The following TUNAR variants were observed in gnomAD, a reference collection of about 807,000 sequenced individuals.
TUNAR encodes the protein transmembrane neural differentiation associated intracellular calcium regulator.
chr14:95,918,622 C>G (rs1889643774), intron 2 of TUNAR, among the ~76,000 whole-genome samples: 1 of 152,180 alleles, frequency 6.6e-6, no homozygotes, highest in Non-Finnish European at 1.5e-5. Flanking sequence ...AAGGTCTCTT[C>G]TAGGTCTTTG....
At chr14:95,907,146 C>T (rs765218851) in intron 2 of TUNAR, among the ~76,000 whole-genome samples, 56 of 152,100 alleles carry the variant, frequency 3.7e-4, no homozygotes, top group Non-Finnish European at 6.9e-4. Flanking sequence ...TCCTTTTTGC[C>T]ACCACATCGT....
At chr14:95,917,943 T>C (rs775069098) in intron 2 of TUNAR, among the ~76,000 whole-genome samples, 6 of 152,176 alleles carry the variant, frequency 3.9e-5, no homozygotes, top group Non-Finnish European at 8.8e-5. Context: ...GAAATGCCTT[T>C]ACTGTTATCA....
exon 2 of TUNAR, chr14:95,876,973 C>A (rs1745401412): frequency 6.6e-6 from 1 of 152,332 alleles, no homozygotes; most frequent in Admixed American, 6.5e-5. Flanking sequence ...GCAGCGCGCA[C>A]GGGGTCCCGC....
At chr14:95,922,066 G>T (rs567020491) in intron 2 of TUNAR, among the ~76,000 whole-genome samples, 1 of 152,328 alleles carries the variant, frequency 6.6e-6, no homozygotes, top group South Asian at 2.1e-4. Flanking sequence ...GCCTCCAGGT[G>T]CACAGAAGTG....
chr14:95,892,575 C>T (rs960531602), intron 2 of TUNAR, among the ~76,000 whole-genome samples: 4 of 152,214 alleles, frequency 2.6e-5, no homozygotes, highest in Non-Finnish European at 5.9e-5. Flanking sequence ...CTTAGACATT[C>T]GAGCTGGCCT....
intron 2 of TUNAR, among the ~76,000 whole-genome samples, chr14:95,892,384 G>A (rs1228507926): frequency 2.0e-5 from 3 of 152,266 alleles, no homozygotes; most frequent in Admixed American, 1.3e-4. Context: ...CTGCAAGTGC[G>A]TGGCCTCAGT....
chr14:95,919,688 G>A (rs1002487607), intron 2 of TUNAR, among the ~76,000 whole-genome samples: 3 of 152,060 alleles, frequency 2.0e-5, no homozygotes, highest in African/African-American at 7.2e-5. Flanking sequence ...ACTCCAGCCT[G>A]GGCAAAAGAA....
intron 2 of TUNAR, among the ~76,000 whole-genome samples, chr14:95,902,236 T>C: frequency 6.6e-6 from 1 of 152,168 alleles, no homozygotes; most frequent in East Asian, 1.9e-4. Flanking sequence ...TCTGGACAAG[T>C]ATTGGATCAA....
intron 2 of TUNAR, among the ~76,000 whole-genome samples, chr14:95,915,739 T>G (rs1199455920): frequency 6.6e-6 from 1 of 152,174 alleles, no homozygotes; most frequent in Non-Finnish European, 1.5e-5. Flanking sequence ...TGTATACTCG[T>G]GGTTTATTTT....
At chr14:95,924,194 A>T (rs976975834) in exon 3 of TUNAR, 1 of 152,186 alleles carries the variant, frequency 6.6e-6, no homozygotes, top group African/African-American at 2.4e-5. Flanking sequence ...TATAAATGAC[A>T]CAAGAACTCC....
At chr14:95,884,851 T>A (rs932789228) in intron 2 of TUNAR, among the ~76,000 whole-genome samples, 1 of 152,084 alleles carries the variant, frequency 6.6e-6, no homozygotes, top group Admixed American at 6.5e-5. Context: ...TGAAACAATG[T>A]GGTCTGGAAA....
intron 2 of TUNAR, among the ~76,000 whole-genome samples, chr14:95,884,462 C>T (rs2139652730): frequency 6.6e-6 from 1 of 152,338 alleles, no homozygotes; most frequent in Middle Eastern, 3.4e-3. Flanking sequence ...TTCTGTCTTG[C>T]CACTATGCTG....
chr14:95,923,128 C>G lies in TUNAR; in HGVS notation c.*162C>G, dbSNP rs373043173. The G allele has an allele frequency of 5.1e-5, 20 of 394,558 alleles. 1 individual carries two copies. Among genetic ancestry groups the G allele is most frequent in the East Asian group, 1.1e-4 (3 of 27,934 alleles). The allele number at this position is 394,558 out of a possible 1,614,324, so 24.4% of individuals were successfully genotyped here. A position where few individuals can be genotyped will look rare whatever the true frequency, so the allele number is the denominator to read the frequency against. On this transcript the variant is annotated 3_prime_UTR_variant, in exon 3 of 3. Transcript: ENST00000678517. ...TTTACAAAAGGTCACACAAATAGAC[C>G]GATCCTGCTGCAGGGAGCAGACACT...
intron 2 of TUNAR, among the ~76,000 whole-genome samples, chr14:95,910,906 T>C (rs960432585): frequency 1.3e-5 from 2 of 152,270 alleles, no homozygotes; most frequent in Non-Finnish European, 2.9e-5. Context: ...GCGGCCACCC[T>C]GTCTAGACAT....
At chr14:95,924,405 A>C (rs1889750523) in exon 3 of TUNAR, 1 of 152,266 alleles carries the variant, frequency 6.6e-6, no homozygotes, top group South Asian at 2.1e-4. Flanking sequence ...TGGCTCCCTG[A>C]AATGGGCCCT....
intron 2 of TUNAR, among the ~76,000 whole-genome samples, chr14:95,914,657 G>A (rs1008911935): frequency 2.7e-5 from 4 of 147,714 alleles, no homozygotes; most frequent in Non-Finnish European, 5.9e-5. Flanking sequence ...ATGAGCCTCT[G>A]TCATCATTGT....
At chr14:95,924,014 T>G (rs1889742787) in exon 3 of TUNAR, 1 of 152,222 alleles carries the variant, frequency 6.6e-6, no homozygotes, top group Non-Finnish European at 1.5e-5. Flanking sequence ...ATATTCAGCT[T>G]CTTACCGGCA....
At chr14:95,886,460 C>G (rs1356291518) in intron 2 of TUNAR, among the ~76,000 whole-genome samples, 1 of 152,236 alleles carries the variant, frequency 6.6e-6, no homozygotes, top group African/African-American at 2.4e-5. Flanking sequence ...GACAGAAAAG[C>G]ATGTTCCACA....
At chr14:95,920,169 A>G (rs914306911) in intron 2 of TUNAR, among the ~76,000 whole-genome samples, 5 of 152,208 alleles carry the variant, frequency 3.3e-5, no homozygotes, top group Non-Finnish European at 5.9e-5. Flanking sequence ...AAAAGAGGAC[A>G]TACTGTATGA....
Sources: allele counts gnomAD v4.1 joint callset (sites outside exome capture counted in the v4.1 genomes callset), GRCh38; gene constraint gnomAD v4.1.1; transcripts MANE v1.5; gene names NCBI Gene and HGNC (gene_info 2026-07-23, HGNC 2026-07-21).